KLF12: variants seen among roughly 807,000 people sequenced by gnomAD.
The protein encoded by KLF12 is Krueppel-like factor 12.
Under a neutral mutation model 37.8 loss-of-function variants are expected in KLF12, and 9 were observed. The observed-to-expected ratio is 0.24, with a 90% CI of 0.14 to 0.42. The LOEUF (loss-of-function observed/expected upper bound fraction) is 0.42. Ranked by LOEUF, KLF12 falls within the 10% of genes least tolerant of loss-of-function variation. The pLI, the probability that KLF12 is intolerant of heterozygous loss-of-function variation, is 1.00. For synonymous variants in KLF12, 208 were observed against 202.1 expected (o/e 1.03, Z -0.25); for missense variants, 411 against 516.0 (o/e 0.80, Z 1.97).
chr13:73,687,740 G>C lies in KLF12; in HGVS notation c.*7750C>G, dbSNP rs1342207545. 1.3e-5 allele frequency: 2 copies of C among 152,174 alleles called. No individual in the cohort carries two copies. Among genetic ancestry groups the C allele is most frequent in the African/African-American group, 4.8e-5 (2 of 41,456 alleles). 9.4% of individuals were successfully genotyped at this position (152,174 alleles called of 1,614,324 possible). ...TCAACAAAAATGAATCTCTGTGAAAGTCTTGATGAACCTGCTTTGGAAGAA... is the reference window on the plus strand; with the variant it reads ...TCAACAAAAATGAATCTCTGTGAAACTCTTGATGAACCTGCTTTGGAAGAA... On this transcript the variant is annotated 3_prime_UTR_variant, in exon 8 of 8. Transcript: ENST00000377669.
chr13:73,882,965 T>C (rs1457041687), intron 3 of KLF12, among the ~76,000 whole-genome samples: 1 of 152,190 alleles, frequency 6.6e-6, no homozygotes, highest in Admixed American at 6.5e-5. Context: ...CATTGTATTG[T>C]TATAGTACTG....
chr13:74,152,472 G>T, the KLF12 span, among the ~76,000 whole-genome samples: 1 of 152,050 alleles, frequency 6.6e-6, no homozygotes, highest in Non-Finnish European at 1.5e-5. Context: ...ATTTTTTGTT[G>T]TTGTTGTTTG....
the KLF12 span, among the ~76,000 whole-genome samples, chr13:74,193,266 C>A: frequency 6.2e-3 from 948 of 152,232 alleles, 8 homozygotes; most frequent in African/African-American, 0.019. Context: ...AGGTGTGAGC[C>A]ACAGTGCCCA....
intron 2 of KLF12, among the ~76,000 whole-genome samples, chr13:73,979,304 C>T (rs1412384207): frequency 6.6e-6 from 1 of 150,970 alleles, no homozygotes; most frequent in Admixed American, 6.6e-5. Context: ...ACTTACTCTG[C>T]TCAACTTTGC....
At chr13:74,005,733 G>A (rs1395204611) in intron 1 of KLF12, among the ~76,000 whole-genome samples, 1 of 152,164 alleles carries the variant, frequency 6.6e-6, no homozygotes, top group Admixed American at 6.5e-5. Context: ...AAAGGGCATG[G>A]CACATACTAT....
the KLF12 span, among the ~76,000 whole-genome samples, chr13:74,208,529 G>C: frequency 3.3e-5 from 5 of 152,134 alleles, no homozygotes; most frequent in Non-Finnish European, 7.4e-5. Context: ...GTAAATTATA[G>C]ATCATTTTAT....
intron 6 of KLF12, among the ~76,000 whole-genome samples, chr13:73,745,185 T>C (rs1225710497): frequency 1.3e-5 from 2 of 152,248 alleles, no homozygotes; most frequent in Non-Finnish European, 2.9e-5. Context: ...GGTTCTGTTT[T>C]GCACATGTGC....
At chr13:74,082,660 A>C (rs926967140) in intron 1 of KLF12, among the ~76,000 whole-genome samples, 5 of 152,198 alleles carry the variant, frequency 3.3e-5, no homozygotes, top group South Asian at 2.1e-4. Flanking sequence ...TTTTTGTATA[A>C]GATGAGTATC....
At chr13:74,200,087 G>A in the KLF12 span, among the ~76,000 whole-genome samples, 4,176 of 152,132 alleles carry the variant, frequency 0.027, 199 homozygotes, top group African/African-American at 0.094. Context: ...AGAAACACAA[G>A]GGTAAACTGA....
chr13:73,810,596 C>A (rs9565042), intron 5 of KLF12, among the ~76,000 whole-genome samples: 51,122 of 151,616 alleles, frequency 0.34, 8,993 homozygotes, highest in East Asian at 0.63. Context: ...TTAGTCACTA[C>A]AGTTCCAAAC....
chr13:73,832,877 A>G (rs1262550793), intron 4 of KLF12, among the ~76,000 whole-genome samples: 2 of 152,356 alleles, frequency 1.3e-5, no homozygotes, highest in South Asian at 2.1e-4. Flanking sequence ...ACAGCTTGCT[A>G]TCTGCTAAGG....
At chr13:73,743,672 G>T (rs1464707654) in intron 6 of KLF12, among the ~76,000 whole-genome samples, 2 of 152,080 alleles carry the variant, frequency 1.3e-5, no homozygotes, top group East Asian at 3.9e-4. Flanking sequence ...TATATGTGTG[G>T]GTTTATGTGT....
At chr13:74,041,541 T>G (rs1175956113) in intron 1 of KLF12, among the ~76,000 whole-genome samples, 1 of 152,138 alleles carries the variant, frequency 6.6e-6, no homozygotes. Context: ...TTTTGATAAG[T>G]GGGAGGATGG....
chr13:73,780,277 G>A (rs1033189950), intron 5 of KLF12, among the ~76,000 whole-genome samples: 1 of 152,042 alleles, frequency 6.6e-6, no homozygotes, highest in East Asian at 1.9e-4. Flanking sequence ...GGAAACAGGT[G>A]GTGTTTGGTT....
Position 73,691,057 on chromosome 13 carries a change from G to A in KLF12, c.*4433C>T, listed in dbSNP as rs1873794218. The A allele has an allele frequency of 6.6e-6, 1 of 152,608 alleles. No individual in the cohort carries two copies. Among genetic ancestry groups the A allele is most frequent in the African/African-American group, 2.4e-5 (1 of 41,456 alleles). The allele number at this position is 152,608 out of a possible 1,614,324, so 9.5% of individuals were successfully genotyped here. ...TAAAATGCAGGCAGAGTCATATATAGTATTATAAGCCGGTTTCCTAATAAG... is the reference window on the plus strand; with the variant it reads ...TAAAATGCAGGCAGAGTCATATATAATATTATAAGCCGGTTTCCTAATAAG... On this transcript the variant is annotated 3_prime_UTR_variant, in exon 8 of 8. Transcript: ENST00000377669.
At chr13:74,033,712 C>T (rs149641504) in intron 1 of KLF12, among the ~76,000 whole-genome samples, 8 of 152,218 alleles carry the variant, frequency 5.3e-5, no homozygotes, top group East Asian at 1.9e-4. Context: ...TTGATTGCTT[C>T]GCAACTTTTA....
chr13:74,040,106 T>C (rs17062023), intron 1 of KLF12, among the ~76,000 whole-genome samples: 24,583 of 152,214 alleles, frequency 0.16, 2,200 homozygotes, highest in African/African-American at 0.24. Flanking sequence ...AAATGGCCAC[T>C]ACATTATCTT....
chr13:73,815,439 A>G (rs1014756672), intron 4 of KLF12, among the ~76,000 whole-genome samples: 1 of 152,228 alleles, frequency 6.6e-6, no homozygotes, highest in Non-Finnish European at 1.5e-5. Context: ...AACCAACACT[A>G]AAGGAACGTA....
chr13:73,754,646 GTTA>G (rs1879018659), intron 6 of KLF12, among the ~76,000 whole-genome samples: 4 of 151,470 alleles, frequency 2.6e-5, no homozygotes, highest in Admixed American at 1.3e-4. Context: ...AATAACTTAA[GTTA>G]TTATGACCAG....
Sources: gnomAD v4.1 joint callset for allele counts (sites outside exome capture counted in the v4.1 genomes callset) on GRCh38, gnomAD v4.1.1 for gene constraint, MANE v1.5 for transcripts, NCBI Gene and HGNC (gene_info 2026-07-23, HGNC 2026-07-21) for gene names.